Variants in ZCWPW2 observed in about 807,000 individuals in gnomAD.
ZCWPW2 encodes the protein zinc finger CW-type and PWWP domain containing 2, also known as zinc finger CW-type PWWP domain protein 2.
Under a neutral mutation model 46.6 loss-of-function variants are expected in ZCWPW2, and 45 were observed. The ratio of observed to expected loss-of-function variants is 0.96; its 90% CI spans 0.76 to 1.24. The LOEUF (loss-of-function observed/expected upper bound fraction) is 1.24, where lower values mean the gene tolerates loss of function less well. ZCWPW2 is among the 50% of genes most tolerant of loss of function. The pLI, the probability that ZCWPW2 is intolerant of heterozygous loss-of-function variation, is 0.00. For missense variants in ZCWPW2, 429 were observed against 403.9 expected (o/e 1.06, Z -0.53); for synonymous variants, 152 against 137.1 (o/e 1.11, Z -0.76).
At chr3:28,499,408 G>T (rs1700082541) in intron 6 of ZCWPW2, among the ~76,000 whole-genome samples, 1 of 152,094 alleles carries the variant, frequency 6.6e-6, no homozygotes, top group Non-Finnish European at 1.5e-5. Flanking sequence ...GTGATGATGA[G>T]CTTTTTTTCA....
intron 6 of ZCWPW2, among the ~76,000 whole-genome samples, chr3:28,492,800 G>C (rs1699856715): frequency 6.6e-6 from 1 of 152,060 alleles, no homozygotes; most frequent in Non-Finnish European, 1.5e-5. Flanking sequence ...GAAAGAGTTG[G>C]TGCCTAAAAC....
intron 4 of ZCWPW2, among the ~76,000 whole-genome samples, chr3:28,437,285 A>G (rs1215165020): frequency 6.6e-6 from 1 of 152,182 alleles, no homozygotes; most frequent in Admixed American, 6.5e-5. Flanking sequence ...TACTTCATAC[A>G]CTATTTCAAC....
intron 5 of ZCWPW2, among the ~76,000 whole-genome samples, chr3:28,488,724 A>G (rs1026581005): frequency 3.3e-5 from 5 of 152,158 alleles, no homozygotes; most frequent in African/African-American, 9.7e-5. Context: ...TGACTTGGAT[A>G]TAGCTCAAAG....
intron 4 of ZCWPW2, among the ~76,000 whole-genome samples, chr3:28,448,784 C>CAAAAAAAAAAAAAAAAA (rs576935771): frequency 6.1e-5 from 4 of 65,360 alleles, no homozygotes; most frequent in Non-Finnish European, 5.8e-5. Flanking sequence ...GACTCTGTCT[C>CAAAAAAAAAAAAAAAAA]AAAAAAAAAA....
intron 1 of ZCWPW2, among the ~76,000 whole-genome samples, chr3:28,382,842 GT>G (rs758164304): frequency 3.3e-5 from 5 of 152,266 alleles, no homozygotes; most frequent in Non-Finnish European, 7.4e-5. Flanking sequence ...TAAAACAAAT[GT>G]TAGTTTCAGT....
intron 1 of ZCWPW2, among the ~76,000 whole-genome samples, chr3:28,365,580 T>G (rs1231720224): frequency 7.1e-6 from 1 of 141,084 alleles, no homozygotes; most frequent in Non-Finnish European, 1.6e-5. Context: ...TCAGGTAGCG[T>G]GATGCCTCCA....
chr3:28,523,616 C>T (rs1398685443), intron 9 of ZCWPW2, among the ~76,000 whole-genome samples: 1 of 152,030 alleles, frequency 6.6e-6, no homozygotes, highest in Non-Finnish European at 1.5e-5. Flanking sequence ...ATAATGTTTT[C>T]ATCATTCATT....
intron 3 of ZCWPW2, among the ~76,000 whole-genome samples, chr3:28,416,782 T>C (rs1374497354): frequency 1.1e-5 from 1 of 92,914 alleles, no homozygotes; most frequent in Non-Finnish European, 2.1e-5. Flanking sequence ...ATCATGTGGT[T>C]TCTGTCTTTG....
At chr3:28,373,066 G>A (rs1051061530) in intron 1 of ZCWPW2, among the ~76,000 whole-genome samples, 9 of 152,090 alleles carry the variant, frequency 5.9e-5, no homozygotes, top group Non-Finnish European at 5.9e-5. Context: ...CCCATTGATA[G>A]ACACTTAGGG....
At chr3:28,403,345 G>A (rs887081271) in intron 2 of ZCWPW2, among the ~76,000 whole-genome samples, 3 of 152,114 alleles carry the variant, frequency 2.0e-5, no homozygotes, top group Non-Finnish European at 4.4e-5. Context: ...CCAAGGAGGT[G>A]AAAGACCTCT....
At chr3:28,492,557 C>T (rs1423670207) in intron 6 of ZCWPW2, among the ~76,000 whole-genome samples, 4 of 151,974 alleles carry the variant, frequency 2.6e-5, no homozygotes, top group Admixed American at 1.3e-4. Flanking sequence ...TGGTGTCTAC[C>T]TTAAACTTAA....
At chr3:28,450,316 A>G (rs908647751) in intron 4 of ZCWPW2, among the ~76,000 whole-genome samples, 4 of 152,192 alleles carry the variant, frequency 2.6e-5, no homozygotes, top group Admixed American at 2.6e-4. Context: ...GCTCACTGCC[A>G]TAAGCTTACA....
In ZCWPW2 at chr3:28,494,591, G is replaced by A. The variant is rs1699924414; in HGVS notation, c.657+2418G>A. Among the ~76,000 whole-genome samples, 3 of 150,472 alleles carry A rather than the reference G, an allele frequency of 2.0e-5. No individual in the cohort carries two copies. In the Admixed American group the frequency reaches 2.0e-4, roughly 10 times the overall value. On this transcript the variant is annotated intron_variant, in intron 6 of 9. Transcript: ENST00000383768. ...AGTTCTGGCCAGGGCAATCAGGCAG[G>A]AGAAGGAAATAAAGGGTATTCAATT...
chr3:28,433,092 TACACACACAC>T (rs71626517), intron 3 of ZCWPW2, among the ~76,000 whole-genome samples: 1 of 148,834 alleles, frequency 6.7e-6, no homozygotes, highest in Non-Finnish European at 1.5e-5. Flanking sequence ...AGCATATTCT[TACACACACAC>T]ACACACACAC....
At chr3:28,396,050 G>A (rs758326965) in intron 2 of ZCWPW2, among the ~76,000 whole-genome samples, 3 of 152,062 alleles carry the variant, frequency 2.0e-5, no homozygotes, top group African/African-American at 7.2e-5. Context: ...GGTAGAAAGG[G>A]CAAAGGAGCT....
chr3:28,410,247 A>T (rs1696347857), intron 2 of ZCWPW2, among the ~76,000 whole-genome samples: 1 of 152,118 alleles, frequency 6.6e-6, no homozygotes, highest in Admixed American at 6.5e-5. Flanking sequence ...TGACAAATCC[A>T]CAATTACTAT....
intron 1 of ZCWPW2, among the ~76,000 whole-genome samples, chr3:28,366,427 TTA>T (rs1328284190): frequency 4.6e-5 from 5 of 107,894 alleles, no homozygotes. Context: ...TTGGTTCTGT[TTA>T]TATGCTGGAT....
chr3:28,442,640 G>A (rs541049812), intron 4 of ZCWPW2, among the ~76,000 whole-genome samples: 8 of 152,336 alleles, frequency 5.3e-5, no homozygotes, highest in Non-Finnish European at 1.0e-4. Flanking sequence ...AAAGGTATTT[G>A]CCAAGTCAAC....
intron 3 of ZCWPW2, among the ~76,000 whole-genome samples, chr3:28,420,806 G>A (rs1395820155): frequency 6.6e-6 from 1 of 151,828 alleles, no homozygotes; most frequent in Non-Finnish European, 1.5e-5. Flanking sequence ...TGTTCGGAAG[G>A]CAAGAGGGAG....
Sources: gnomAD v4.1 joint callset for allele counts (sites outside exome capture counted in the v4.1 genomes callset) on GRCh38, gnomAD v4.1.1 for gene constraint, MANE v1.5 for transcripts, NCBI Gene and HGNC (gene_info 2026-07-23, HGNC 2026-07-21) for gene names.